IRF2: variants seen among roughly 807,000 people sequenced by gnomAD.
IRF2 encodes the protein interferon regulatory factor 2.
A neutral mutation model predicts 40.6 loss-of-function variants in IRF2; 15 were observed. That is an observed-to-expected ratio of 0.37 (90% confidence interval 0.25 to 0.57). The LOEUF (loss-of-function observed/expected upper bound fraction) is 0.57, where lower values mean the gene tolerates loss of function less well. Among genes scored for constraint, IRF2 ranks in the 20% least tolerant of loss-of-function variants. The pLI is 0.77. For synonymous variants in IRF2, 151 were observed against 165.5 expected (o/e 0.91, Z 0.67); for missense variants, 317 against 455.7 (o/e 0.70, Z 2.77).
At chr4:184,403,023 G>A (rs1192042856) in intron 6 of IRF2, among the ~76,000 whole-genome samples, 1 of 152,204 alleles carries the variant, frequency 6.6e-6, no homozygotes, top group Non-Finnish European at 1.5e-5. Context: ...AAGTCAGTCT[G>A]TTTTCTGGGC....
intron 6 of IRF2, among the ~76,000 whole-genome samples, chr4:184,401,931 T>C (rs1483871853): frequency 6.6e-6 from 1 of 152,188 alleles, no homozygotes; most frequent in South Asian, 2.1e-4. Flanking sequence ...AGCTCAAGTA[T>C]CCCCCTAGTC....
Position 184,389,074 on chromosome 4 carries a change from G to T in IRF2, c.742-8C>A. The stretch of plus-strand genomic sequence containing the variant: ...CCGCCAGTGTGGCCGCCCCTTTCAA[G>T]AAAGTAATTAAGATATGTATTTCCT... On this transcript the variant is annotated splice_polypyrimidine_tract_variant and splice_region_variant and intron_variant, in intron 8 of 8. Coordinates refer to ENST00000393593, the MANE Select transcript of IRF2 (RefSeq NM_002199.4). The T allele has an allele frequency of 8.1e-6, 13 of 1,613,226 alleles. No individual in the cohort carries two copies. Among genetic ancestry groups the T allele is most frequent in the Non-Finnish European group, 1.1e-5 (13 of 1,179,334 alleles).
At position 184,440,417 on chromosome 4, in the gene IRF2, G is replaced by A. The variant is rs113551928; in HGVS notation, c.-6-11347C>T. 2.4e-3 allele frequency among the ~76,000 whole-genome samples: 364 copies of A among 152,296 alleles called. 1 individual carries two copies. Among genetic ancestry groups the A allele is most frequent in the Non-Finnish European group, 4.5e-3 (304 of 68,016 alleles). ...AGACTACGTAGGCTTATATATTAAC[G>A]TGGGCAGCAACGTTAACATGGGATT... On this transcript the variant is annotated intron_variant, in intron 1 of 8. Coordinates refer to ENST00000393593, the MANE Select transcript of IRF2 (RefSeq NM_002199.4).
chr4:184,460,450 A>G (rs1223829530), intron 1 of IRF2, among the ~76,000 whole-genome samples: 1 of 152,244 alleles, frequency 6.6e-6, no homozygotes, highest in Non-Finnish European at 1.5e-5. Flanking sequence ...TATACACTTT[A>G]AGATGATTGT....
At chr4:184,461,600 T>C (rs905161097) in intron 1 of IRF2, among the ~76,000 whole-genome samples, 2 of 152,178 alleles carry the variant, frequency 1.3e-5, no homozygotes, top group Non-Finnish European at 2.9e-5. Flanking sequence ...TCGTTAGCAC[T>C]GAATAAACAC....
At chr4:184,452,770 CAAAAAAAAAAAAAAA>C (rs530415114) in intron 1 of IRF2, among the ~76,000 whole-genome samples, 1 of 53,828 alleles carries the variant, frequency 1.9e-5, no homozygotes, top group Non-Finnish European at 3.1e-5. Flanking sequence ...GACCCTGTCT[CAAAAAAAAAAAAAAA>C]AAAAAAAAAA....
chr4:184,440,398 C>T (rs186990645), intron 1 of IRF2, among the ~76,000 whole-genome samples: 23 of 152,334 alleles, frequency 1.5e-4, no homozygotes, highest in Admixed American at 1.0e-3. Flanking sequence ...TACAAGACTA[C>T]GTAGGCTTAT....
At chr4:184,456,765 T>A in intron 1 of IRF2, among the ~76,000 whole-genome samples, 1 of 152,336 alleles carries the variant, frequency 6.6e-6, no homozygotes, top group Non-Finnish European at 1.5e-5. Context: ...AGCCAACACG[T>A]ACTGAGGGTA....
chr4:184,409,797 G>A lies in IRF2; in HGVS notation c.412-1522C>T, dbSNP rs193081652. Among the ~76,000 whole-genome samples, 572 of 152,086 alleles carry A rather than the reference G, an allele frequency of 3.8e-3. 4 individuals carry two copies. The highest frequency in any genetic ancestry group is 5.6e-3 in the Non-Finnish European group (379 of 67,976). ...TTGTCCTGGATACTTGGGAGGCTGC[G>A]GTGTTGGGAGGCTCTCCTGAGCCCG... On this transcript the variant is annotated intron_variant, in intron 5 of 8. Transcript: ENST00000393593.
At chr4:184,444,224 A>G (rs1221981817) in intron 1 of IRF2, among the ~76,000 whole-genome samples, 4 of 152,196 alleles carry the variant, frequency 2.6e-5, no homozygotes, top group Non-Finnish European at 4.4e-5. Flanking sequence ...CATATACAGT[A>G]TAGTGATAAA....
chr4:184,399,594 T>C (rs1192831450), intron 6 of IRF2, among the ~76,000 whole-genome samples: 1 of 152,238 alleles, frequency 6.6e-6, no homozygotes, highest in Admixed American at 6.5e-5. Flanking sequence ...TGTGTGAATG[T>C]TTGTGTTCAG....
At chr4:184,472,642 G>A (rs866311909) in intron 1 of IRF2, 14 of 152,110 alleles carry the variant, frequency 9.2e-5, no homozygotes, top group African/African-American at 3.4e-4. Flanking sequence ...CCATAACCAA[G>A]GACAAGGAGC....
chr4:184,417,074 T>G (rs1212959797), intron 5 of IRF2, among the ~76,000 whole-genome samples: 1 of 152,016 alleles, frequency 6.6e-6, no homozygotes, highest in Non-Finnish European at 1.5e-5. Flanking sequence ...ATAAATAAAT[T>G]ACTTCTGTAA....
At chr4:184,406,726 C>A (rs577981944) in intron 6 of IRF2, among the ~76,000 whole-genome samples, 4 of 152,144 alleles carry the variant, frequency 2.6e-5, no homozygotes, top group Admixed American at 6.5e-5. Context: ...GGGTGGCCCT[C>A]GTGGGGACCC....
At chr4:184,450,584 A>T (rs1561122150) in intron 1 of IRF2, among the ~76,000 whole-genome samples, 1 of 152,214 alleles carries the variant, frequency 6.6e-6, no homozygotes, top group Non-Finnish European at 1.5e-5. Context: ...ATTTAAAAGT[A>T]TTATTTCCTT....
intron 1 of IRF2, among the ~76,000 whole-genome samples, chr4:184,454,368 G>A (rs527241435): frequency 1.3e-5 from 2 of 152,196 alleles, no homozygotes; most frequent in Admixed American, 6.5e-5. Flanking sequence ...ATAAACTTAC[G>A]CACTACAGTT....
intron 5 of IRF2, among the ~76,000 whole-genome samples, chr4:184,412,383 G>A (rs763611732): frequency 2.4e-4 from 37 of 152,190 alleles, no homozygotes; most frequent in Non-Finnish European, 2.5e-4. Flanking sequence ...CCTCTGCTCC[G>A]AGCCCATGCT....
At chr4:184,394,641 T>C (rs1487013539) in intron 7 of IRF2, among the ~76,000 whole-genome samples, 1 of 152,020 alleles carries the variant, frequency 6.6e-6, no homozygotes, top group Non-Finnish European at 1.5e-5. Flanking sequence ...ATCTCCACTC[T>C]CTCATTATAG....
At chr4:184,406,216 C>A (rs547834703) in intron 6 of IRF2, among the ~76,000 whole-genome samples, 1 of 151,314 alleles carries the variant, frequency 6.6e-6, no homozygotes, top group South Asian at 2.1e-4. Context: ...AAGACTCACC[C>A]AGAGCTACTT....
Sources: allele counts gnomAD v4.1 joint callset (sites outside exome capture counted in the v4.1 genomes callset), GRCh38; gene constraint gnomAD v4.1.1; transcripts MANE v1.5; gene names NCBI Gene and HGNC (gene_info 2026-07-23, HGNC 2026-07-21).